The following RBM44 variants were observed in gnomAD, a reference collection of about 807,000 sequenced individuals.
RBM44 encodes the protein RNA-binding protein 44.
RBM44 carries 66 observed loss-of-function variants against 105.1 expected under a neutral mutation model. The ratio of observed to expected loss-of-function variants is 0.63; its 90% CI spans 0.52 to 0.77. The LOEUF is 0.77. Ranked by LOEUF, RBM44 falls within the 30% of genes least tolerant of loss-of-function variation. The probability of loss-of-function intolerance (pLI) is 0.00; values close to 1 mark genes in which losing one functional copy is unlikely to be tolerated. For missense variants in RBM44, 1,122 were observed against 1,207.8 expected, an observed-to-expected ratio of 0.93 and a Z score of 1.05; for synonymous variants, 365 against 417.6, an observed-to-expected ratio of 0.87 and a Z score of 1.54.
At position 237,820,348 on chromosome 2, in the gene RBM44, A is replaced by G; in HGVS notation, c.1910A>G (p.Asn637Ser). ...GTCATGGAAAATAGGGAAGGATTAA[A>G]TATGTGTTTATTAATTTCAAATCTG... is the stretch of plus-strand genomic sequence containing the variant. ...KLVMENREGL[N>S]MNLSSNSAKK... The change falls in exon 5 of 16, where the codon AAT becomes AGT. Residue 637 changes from asparagine to serine, a missense_variant. Coordinates refer to ENST00000316997, the MANE Select transcript of RBM44 (RefSeq NM_001080504.3). 6.4e-7 allele frequency: 1 copy of G among 1,554,214 alleles called. No individual in the cohort carries two copies. The highest frequency in any genetic ancestry group is 8.8e-7 in the Non-Finnish European group (1 of 1,140,828).
At position 237,798,972 on chromosome 2, in the gene RBM44, CG is replaced by C. The variant is rs2061515115; in HGVS notation, c.-19+113del. On this transcript the variant is annotated intron_variant, in intron 1 of 15. Coordinates refer to ENST00000316997, the MANE Select transcript of RBM44 (RefSeq NM_001080504.3). This position sits in a 1 kb window ranked among gnomAD's most constrained non-coding sequence, Gnocchi z 4.3. ...GAACCCCGCGTGTGGCCGGTCCCGG[CG>C]GCGAGGCCCGTCCCGCTGAAGCACG... 6.6e-6 allele frequency: 1 copy of C among 152,050 alleles called. No individual in the cohort carries two copies. The highest frequency in any genetic ancestry group is 6.6e-5 in the Admixed American group (1 of 15,244). 9.4% of individuals were successfully genotyped at this position (152,050 alleles called of 1,614,324 possible). A position where few individuals can be genotyped will look rare whatever the true frequency, so the allele number is the denominator to read the frequency against.
intron 1 of RBM44, among the ~76,000 whole-genome samples, chr2:237,810,376 A>T (rs1341595100): frequency 6.6e-6 from 1 of 152,226 alleles, no homozygotes; most frequent in Non-Finnish European, 1.5e-5. Context: ...TTTGAACCTC[A>T]GTAGATCCAG....
At chr2:237,812,698 T>G (rs1347991820) in intron 1 of RBM44, among the ~76,000 whole-genome samples, 1 of 152,170 alleles carries the variant, frequency 6.6e-6, no homozygotes, top group Non-Finnish European at 1.5e-5. Context: ...CCTCAGCTTT[T>G]AGGGGTATGG....
chr2:237,816,685 G>A (rs2061720628), intron 2 of RBM44, among the ~76,000 whole-genome samples: 1 of 152,100 alleles, frequency 6.6e-6, no homozygotes, highest in Admixed American at 6.6e-5. Flanking sequence ...AGAGAAGGGG[G>A]AGGCAAGCTC....
chr2:237,799,629 G>A (rs569542566), intron 1 of RBM44, among the ~76,000 whole-genome samples: 58 of 152,312 alleles, frequency 3.8e-4, no homozygotes, highest in African/African-American at 1.3e-3. Context: ...TTAAGGAAAT[G>A]GAAAGGAGGG....
In RBM44 at chr2:237,817,181, A is replaced by T. The variant is rs754921111; in HGVS notation, c.262A>T (p.Asn88Tyr). Reference sequence around the variant, plus strand: ...ATTTTTTTCAGTGAGTCAAGATACTAACACAGAGAGTACTCAGTTTCAGTC... The same window carrying T: ...ATTTTTTTCAGTGAGTCAAGATACTTACACAGAGAGTACTCAGTTTCAGTC... ...EPFFSVSQDT[N>Y]TESTQFQSSE... is the part of the protein sequence containing the mutation. Residue 88 changes from asparagine (N) to tyrosine (Y), a missense_variant, in exon 3 of 16, where the codon AAC becomes TAC. By Grantham distance (143) the Asn-to-Tyr change is moderately radical. Coordinates refer to ENST00000316997, the MANE Select transcript of RBM44 (RefSeq NM_001080504.3). 2 of 1,604,202 alleles carry T rather than the reference A, an allele frequency of 1.2e-6. No individual in the cohort carries two copies. The highest frequency in any genetic ancestry group is 4.5e-5 in the East Asian group (2 of 44,758).
chr2:237,836,439 A>G (rs2061960190), intron 15 of RBM44, among the ~76,000 whole-genome samples: 1 of 152,122 alleles, frequency 6.6e-6, no homozygotes, highest in South Asian at 2.1e-4. Flanking sequence ...CCTAAGTGCT[A>G]GAACTACAGT....
At position 237,803,344 on chromosome 2, in the gene RBM44, CAT is replaced by C. The variant is rs1491036679; in HGVS notation, c.-19+4485_-19+4486del. ...ATACTCTCTCTCTCACACACACACA[CAT>C]ACTTTCTCTCTCACTCACACACACA... On this transcript the variant is annotated intron_variant, in intron 1 of 15. Transcript: ENST00000316997. The surrounding 1 kb of genome is among the most constrained non-coding windows in gnomAD (Gnocchi z 4.2). Among the ~76,000 whole-genome samples the C allele has an allele frequency of 1.3e-5, 2 of 151,208 alleles. No individual in the cohort carries two copies. Among genetic ancestry groups the C allele is most frequent in the South Asian group, 2.1e-4 (1 of 4,772 alleles).
At chr2:237,826,091 C>T (rs1003722931) in intron 10 of RBM44, among the ~76,000 whole-genome samples, 1 of 152,054 alleles carries the variant, frequency 6.6e-6, no homozygotes, top group Non-Finnish European at 1.5e-5. Context: ...GTATAAAGTG[C>T]TTGCCATGTT....
intron 1 of RBM44, among the ~76,000 whole-genome samples, chr2:237,805,328 A>G (rs1441434016): frequency 6.6e-6 from 1 of 152,242 alleles, no homozygotes; most frequent in East Asian, 1.9e-4. Flanking sequence ...CACTGCTGAA[A>G]GAAATCAGAC....
chr2:237,835,747 G>A (rs1381111773), intron 15 of RBM44, among the ~76,000 whole-genome samples: 1 of 147,166 alleles, frequency 6.8e-6, no homozygotes, highest in Non-Finnish European at 1.5e-5. Flanking sequence ...AGTTCATGAG[G>A]TTTAAAGAAA....
chr2:237,820,548 T>A (rs1456546260), intron 5 of RBM44, 197 bp downstream of exon 5: 1 of 406,050 alleles, frequency 2.5e-6, no homozygotes, highest in Non-Finnish European at 4.4e-6. Context: ...GCATGATGAA[T>A]CCAGTGAAAA....
intron 13 of RBM44, among the ~76,000 whole-genome samples, chr2:237,830,930 A>C (rs1391376641): frequency 6.6e-6 from 1 of 152,166 alleles, no homozygotes; most frequent in Non-Finnish European, 1.5e-5. Flanking sequence ...ACAAAAAAAA[A>C]AAATCCTACT....
At position 237,813,694 on chromosome 2, in the gene RBM44, GTCCACT is replaced by G. The variant is rs746956645; in HGVS notation, c.73+14_73+19del. On this transcript the variant is annotated intron_variant, in intron 2 of 15. Coordinates refer to ENST00000316997, the MANE Select transcript of RBM44 (RefSeq NM_001080504.3). ...CAACCTCCAAAAAGGTAAGGGTCTAGTCCACTTACCCTTATTCTTGGTGGGGAAGGG... is the reference window on the plus strand; with the variant it reads ...CAACCTCCAAAAAGGTAAGGGTCTAGTACCCTTATTCTTGGTGGGGAAGGG... The G allele has an allele frequency of 3.2e-6, 5 of 1,546,510 alleles. No homozygotes were observed. In the South Asian group the frequency reaches 3.3e-5, roughly 10 times the overall value.
intron 9 of RBM44, 40 bp from the exon 10 acceptor site, chr2:237,824,251 G>A (rs199777229): frequency 1.6e-5 from 26 of 1,606,094 alleles, no homozygotes; most frequent in South Asian, 1.4e-4. Flanking sequence ...TGTGTTGGAC[G>A]TTACGTGTCA....
rs2061738354 is a variant in RBM44, at chr2:237,817,907, A to G, written c.988A>G (p.Asn330Asp). Reference sequence around the variant, plus strand: ...ATTAAAAATGAAAATTTATACTGAAAACATGAAATCTCAAATAAATGAAGG... The same window carrying G: ...ATTAAAAATGAAAATTTATACTGAAGACATGAAATCTCAAATAAATGAAGG... ...KVLKMKIYTE[N>D]MKSQINEGKD... The change falls in exon 3 of 16, where the codon AAC becomes GAC. Residue 330 changes from asparagine (N) to aspartate (D), a missense_variant. Asn to Asp is a conservative substitution (Grantham distance 23, BLOSUM62 1). Coordinates refer to ENST00000316997, the MANE Select transcript of RBM44 (RefSeq NM_001080504.3). 1 of 1,598,562 alleles carries G rather than the reference A, an allele frequency of 6.3e-7. No homozygotes were observed. The highest frequency in any genetic ancestry group is 8.5e-7 in the Non-Finnish European group (1 of 1,174,902).
intron 2 of RBM44, 114 bp downstream of exon 2, chr2:237,813,796 G>A (rs183315805): frequency 3.0e-6 from 2 of 661,658 alleles, no homozygotes; most frequent in Non-Finnish European, 5.4e-6. Flanking sequence ...CCTCTAAGGT[G>A]GTAAGACTCA....
At position 237,817,794 on chromosome 2, in the gene RBM44, C is replaced by G. The variant is rs1391017132; in HGVS notation, c.875C>G (p.Thr292Ser). 2 of 1,611,782 alleles carry G rather than the reference C, an allele frequency of 1.2e-6. No individual in the cohort carries two copies. The highest frequency in any genetic ancestry group is 1.7e-6 in the Non-Finnish European group (2 of 1,178,732). The change falls in exon 3 of 16, where the codon ACT (threonine) becomes AGT (serine). Residue 292 changes from threonine to serine, a missense_variant. Coordinates refer to ENST00000316997, the MANE Select transcript of RBM44 (RefSeq NM_001080504.3). ...KEQETNSMYH[T>S]VFDGSVLRSN... ...CAAGAGACTAATTCAATGTACCACA[C>G]TGTATTTGATGGCAGTGTACTAAGA...
intron 15 of RBM44, among the ~76,000 whole-genome samples, chr2:237,839,912 G>C (rs2061994336): frequency 6.6e-6 from 1 of 152,122 alleles, no homozygotes; most frequent in African/African-American, 2.4e-5. Context: ...CCCAGAATAG[G>C]CTGGGGAGGG....
Sources: allele counts gnomAD v4.1 joint callset (sites outside exome capture counted in the v4.1 genomes callset), GRCh38; gene constraint gnomAD v4.1.1; non-coding constraint Gnocchi (gnomAD v3.1); transcripts MANE v1.5; gene names NCBI Gene and HGNC (gene_info 2026-07-23, HGNC 2026-07-21).